The following GRM8 variants were observed in gnomAD, a reference collection of about 807,000 sequenced individuals.
GRM8 encodes metabotropic glutamate receptor 8.
A neutral mutation model predicts 87.2 loss-of-function variants in GRM8; 47 were observed. The observed-to-expected ratio is 0.54, with a 90% CI of 0.43 to 0.69. The LOEUF is 0.69. Among genes scored for constraint, GRM8 ranks in the 30% least tolerant of loss-of-function variants. The pLI, the probability that GRM8 is intolerant of heterozygous loss-of-function variation, is 0.00. For missense variants in GRM8, 1,019 were observed against 1,139.2 expected, an observed-to-expected ratio of 0.89 and a Z score of 1.52; for synonymous variants, 396 against 404.5, an observed-to-expected ratio of 0.98 and a Z score of 0.25.
At chr7:126,942,285 C>A (rs1430329344) in intron 3 of GRM8, among the ~76,000 whole-genome samples, 1 of 152,176 alleles carries the variant, frequency 6.6e-6, no homozygotes. Flanking sequence ...AGATAACCAC[C>A]TGGCAGGCCT....
chr7:126,483,974 A>G (rs1326673957), intron 9 of GRM8, among the ~76,000 whole-genome samples: 1 of 151,994 alleles, frequency 6.6e-6, no homozygotes, highest in East Asian at 1.9e-4. Flanking sequence ...ACCAGACTTG[A>G]GCATCAGTCA....
At chr7:127,135,678 G>A (rs1016117471) in intron 2 of GRM8, among the ~76,000 whole-genome samples, 4 of 132,992 alleles carry the variant, frequency 3.0e-5, no homozygotes, top group East Asian at 2.3e-4. Context: ...TTCATAAACC[G>A]GGCATGAAAC....
chr7:127,013,537 T>C (rs1485396793), intron 3 of GRM8, among the ~76,000 whole-genome samples: 1 of 30,938 alleles, frequency 3.2e-5, no homozygotes, highest in Non-Finnish European at 6.5e-5. Flanking sequence ...GGATGGGGGA[T>C]GGGGGATGGG....
intron 3 of GRM8, among the ~76,000 whole-genome samples, chr7:127,021,990 T>A (rs140604103): frequency 6.4e-4 from 97 of 152,210 alleles, no homozygotes; most frequent in African/African-American, 1.9e-3. Context: ...ACCTAAGTCC[T>A]ATGTTGTAGG....
At chr7:126,564,709 G>A (rs1172049773) in intron 8 of GRM8, among the ~76,000 whole-genome samples, 1 of 152,046 alleles carries the variant, frequency 6.6e-6, no homozygotes, top group East Asian at 1.9e-4. Context: ...GAAGAGGAGA[G>A]AACACTTCCA....
intron 9 of GRM8, among the ~76,000 whole-genome samples, chr7:126,456,878 C>T (rs1803306227): frequency 6.6e-6 from 1 of 151,322 alleles, no homozygotes; most frequent in African/African-American, 2.4e-5. Flanking sequence ...TAAAAGATTA[C>T]CAGCCAGGCA....
At chr7:127,157,296 G>GA (rs1792793429) in intron 2 of GRM8, among the ~76,000 whole-genome samples, 1 of 150,488 alleles carries the variant, frequency 6.6e-6, no homozygotes, top group South Asian at 2.1e-4. Flanking sequence ...AGAAGAGAGG[G>GA]AAAAAAGAAG....
rs568792622 is a variant in GRM8 at position 127,150,791 on chromosome 7, TG to T, written c.511-44080del. Among the ~76,000 whole-genome samples, 10 of 152,138 alleles carry T rather than the reference TG, an allele frequency of 6.6e-5. No homozygotes were observed. The East Asian group carries it at 1.9e-3, about 30-fold the overall frequency. ...TCTGTATGGGTCTTATTACACAGTGTGGGCCCACCATTCTCAGCTGACCCTT... is the reference window on the plus strand; with the variant it reads ...TCTGTATGGGTCTTATTACACAGTGTGGCCCACCATTCTCAGCTGACCCTT... On this transcript the variant is annotated intron_variant, in intron 2 of 10. Coordinates refer to ENST00000339582, the MANE Select transcript of GRM8 (RefSeq NM_000845.3).
At chr7:126,609,240 C>T in intron 8 of GRM8, 122 bp downstream of exon 8, 1 of 632,598 alleles carries the variant, frequency 1.6e-6, no homozygotes, top group Non-Finnish European at 2.7e-6. Flanking sequence ...AGAATCAAGT[C>T]ATACATTTTC....
chr7:127,100,644 G>A (rs1563508031), intron 3 of GRM8, among the ~76,000 whole-genome samples: 1 of 152,182 alleles, frequency 6.6e-6, no homozygotes, highest in African/African-American at 2.4e-5. Context: ...ATGGTGGCAG[G>A]CAAGAATGCT....
chr7:127,006,529 G>C (rs910467333), intron 3 of GRM8, among the ~76,000 whole-genome samples: 1 of 151,880 alleles, frequency 6.6e-6, no homozygotes, highest in Non-Finnish European at 1.5e-5. Context: ...TGAACTGTTC[G>C]AATCAAGGTC....
At chr7:127,195,895 C>T (rs1301769109) in intron 2 of GRM8, among the ~76,000 whole-genome samples, 1 of 152,050 alleles carries the variant, frequency 6.6e-6, no homozygotes, top group Non-Finnish European at 1.5e-5. Context: ...ACATCTTTGT[C>T]TTCCCCGACA....
chr7:126,965,085 A>C (rs1337346288), intron 3 of GRM8, among the ~76,000 whole-genome samples: 1 of 152,152 alleles, frequency 6.6e-6, no homozygotes, highest in African/African-American at 2.4e-5. Context: ...ACATGTTCTC[A>C]CTCATAAATG....
intron 6 of GRM8, among the ~76,000 whole-genome samples, chr7:126,788,420 A>ACAAAAAAAAAAAACAAAAAAAAAAAAAC (rs1554492200): frequency 1.2e-5 from 1 of 81,134 alleles, no homozygotes; most frequent in South Asian, 4.9e-4. Flanking sequence ...AAAAAAAAAA[A>ACAAAAAAAAAAAACAAAAAAAAAAAAAC]AAACCCTTTC....
chr7:126,604,552 T>C (rs906253676), intron 8 of GRM8, among the ~76,000 whole-genome samples: 1 of 152,130 alleles, frequency 6.6e-6, no homozygotes, highest in Non-Finnish European at 1.5e-5. Context: ...TGTTCTAGGA[T>C]TTTTGTACAT....
intron 6 of GRM8, among the ~76,000 whole-genome samples, chr7:126,780,111 A>G (rs1030818614): frequency 6.6e-6 from 1 of 152,216 alleles, no homozygotes; most frequent in Non-Finnish European, 1.5e-5. Flanking sequence ...ATTACAACAG[A>G]AAGTTAAACT....
chr7:126,862,982 C>A (rs868738144), intron 6 of GRM8, among the ~76,000 whole-genome samples: 2 of 152,134 alleles, frequency 1.3e-5, no homozygotes, highest in Middle Eastern at 3.4e-3. Flanking sequence ...TTCTTGTATG[C>A]TTTTCCCCTT....
chr7:126,580,217 T>C (rs1249434297), intron 8 of GRM8, among the ~76,000 whole-genome samples: 1 of 152,152 alleles, frequency 6.6e-6, no homozygotes, highest in Non-Finnish European at 1.5e-5. Context: ...CTGATAATAG[T>C]TATCGGATAA....
At chr7:127,163,354 C>T (rs148675361) in intron 2 of GRM8, among the ~76,000 whole-genome samples, 126 of 152,266 alleles carry the variant, frequency 8.3e-4, no homozygotes, top group African/African-American at 2.4e-3. Context: ...GTATAACACC[C>T]TCTTTCCCTG....
Sources: allele counts gnomAD v4.1 joint callset (sites outside exome capture counted in the v4.1 genomes callset), GRCh38; gene constraint gnomAD v4.1.1; transcripts MANE v1.5; gene names NCBI Gene and HGNC (gene_info 2026-07-23, HGNC 2026-07-21).